The following SIGLEC8 variants were observed in gnomAD, a reference collection of about 807,000 sequenced individuals.
The protein encoded by SIGLEC8 is sialic acid-binding Ig-like lectin 8.
In SIGLEC8, 32 loss-of-function variants were observed where a neutral mutation model predicts 42.1. The ratio of observed to expected loss-of-function variants is 0.76; its 90% CI spans 0.57 to 1.02. The LOEUF is 1.02. Ranked by LOEUF, SIGLEC8 falls within the 50% of genes least tolerant of loss-of-function variation. SIGLEC8 has a pLI of 0.00. For missense variants in SIGLEC8, 611 were observed against 610.2 expected, an observed-to-expected ratio of 1.00 and a Z score of -0.01; for synonymous variants, 262 against 260.3, an observed-to-expected ratio of 1.01 and a Z score of -0.06.
intron 3 of SIGLEC8, 151 bp from the exon 4 acceptor site, chr19:51,455,838 A>G (rs1333968542): frequency 1.5e-6 from 1 of 680,678 alleles, no homozygotes; most frequent in Non-Finnish European, 2.4e-6. Context: ...ATGTCCAACA[A>G]TGATAGACTG....
chr19:51,454,205 C>T lies in SIGLEC8; in HGVS notation c.1245+14G>A. ...AGGCTGGATGCTCGGTGTGGAGAAGCCCACATCACTCACCTGAGAGGCCGA... is the reference window on the plus strand; with the variant it reads ...AGGCTGGATGCTCGGTGTGGAGAAGTCCACATCACTCACCTGAGAGGCCGA... On this transcript the variant is annotated intron_variant, in intron 6 of 6. Transcript: ENST00000321424. This position sits in a 1 kb window ranked among gnomAD's most constrained non-coding sequence, Gnocchi z 4.7. The T allele has an allele frequency of 6.2e-7, 1 of 1,613,942 alleles. No homozygotes were observed. Among genetic ancestry groups the T allele is most frequent in the Non-Finnish European group, 8.5e-7 (1 of 1,179,916 alleles).
At chr19:51,457,901 C>G in intron 1 of SIGLEC8, 33 bp downstream of exon 1, 1 of 1,604,662 alleles carries the variant, frequency 6.2e-7, no homozygotes, top group Non-Finnish European at 8.5e-7. Flanking sequence ...TCATGACCTT[C>G]CCCTGTGGCC....
chr19:51,456,596 CA>C (rs1417224669), intron 3 of SIGLEC8, among the ~76,000 whole-genome samples: 1 of 152,216 alleles, frequency 6.6e-6, no homozygotes, highest in Non-Finnish European at 1.5e-5. Context: ...AGTGAAATCA[CA>C]CACGGTCCTA....
At chr19:51,456,744 T>C (rs926838525) in intron 3 of SIGLEC8, among the ~76,000 whole-genome samples, 3 of 152,200 alleles carry the variant, frequency 2.0e-5, no homozygotes, top group Admixed American at 6.5e-5. Flanking sequence ...GGACAGACTT[T>C]GCTGTGCATT....
Position 51,454,866 on chromosome 19 carries a change from T to C in SIGLEC8, c.1052-86A>G. ...TCCCACTGTCTGCAGGGCCCTAGAC[T>C]TCCATTCCCCTCTTCTCCTTCCCAG... On this transcript the variant is annotated intron_variant, in intron 4 of 6. Coordinates refer to ENST00000321424, the MANE Select transcript of SIGLEC8 (RefSeq NM_014442.3). This position sits in a 1 kb window ranked among gnomAD's most constrained non-coding sequence, Gnocchi z 4.7. 1.1e-6 allele frequency: 1 copy of C among 919,728 alleles called. No individual in the cohort carries two copies. Among genetic ancestry groups the C allele is most frequent in the Non-Finnish European group, 1.8e-6 (1 of 564,914 alleles). The allele number at this position is 919,728 out of a possible 1,614,324, so 57.0% of individuals were successfully genotyped here. A position where few individuals can be genotyped will look rare whatever the true frequency, so the allele number is the denominator to read the frequency against.
At chr19:51,455,973 G>C (rs1190974728) in intron 3 of SIGLEC8, among the ~76,000 whole-genome samples, 1 of 150,654 alleles carries the variant, frequency 6.6e-6, no homozygotes, top group East Asian at 2.0e-4. Flanking sequence ...ACTATTGCAA[G>C]GACAAAAAAA....
chr19:51,454,838 C>A lies in SIGLEC8; in HGVS notation c.1052-58G>T. The A allele has an allele frequency of 8.0e-7, 1 of 1,254,408 alleles. No individual in the cohort carries two copies. Among genetic ancestry groups the A allele is most frequent in the Non-Finnish European group, 1.2e-6 (1 of 853,894 alleles). 77.7% of individuals were successfully genotyped at this position (1,254,408 alleles called of 1,614,324 possible). On this transcript the variant is annotated intron_variant, in intron 4 of 6. Coordinates refer to ENST00000321424, the MANE Select transcript of SIGLEC8 (RefSeq NM_014442.3). This position sits in a 1 kb window ranked among gnomAD's most constrained non-coding sequence, Gnocchi z 4.7. ...ATATCACGGAGAAGTGGGTCTCTTCCCCTCCCACTGTCTGCAGGGCCCTAG... is the reference window on the plus strand; with the variant it reads ...ATATCACGGAGAAGTGGGTCTCTTCACCTCCCACTGTCTGCAGGGCCCTAG...
chr19:51,456,075 T>TGGAGTGG (rs1989485738), intron 3 of SIGLEC8, among the ~76,000 whole-genome samples: 1 of 90,080 alleles, frequency 1.1e-5, no homozygotes, highest in Admixed American at 1.2e-4. Flanking sequence ...GGGACTGTTG[T>TGGAGTGG]GGGGTGGGGG....
Position 51,454,315 on chromosome 19 carries a change from T to C in SIGLEC8, c.1149A>G (p.Ile383Met). ...CCGATTTCTTCCTGCAGGACCTCAC[T>C]CTGAGTGAAGAGACCAGAGAGCCTT... ...AFLSFCIIFI[I>M]VRSCRKKSAR... is the part of the protein sequence containing the mutation. Residue 383 changes from isoleucine (I) to methionine (M), a missense_variant and splice_region_variant, in exon 6 of 7, where the codon ATA becomes ATG. Coordinates refer to ENST00000321424, the MANE Select transcript of SIGLEC8 (RefSeq NM_014442.3). This position sits in a 1 kb window ranked among gnomAD's most constrained non-coding sequence, Gnocchi z 4.7. The C allele has an allele frequency of 6.2e-7, 1 of 1,613,230 alleles. No individual in the cohort carries two copies. Among genetic ancestry groups the C allele is most frequent in the Middle Eastern group, 1.9e-4 (1 of 5,374 alleles).
At chr19:51,453,432 T>C in intron 6 of SIGLEC8, 1 of 980,066 alleles carries the variant, frequency 1.0e-6, no homozygotes, top group Non-Finnish European at 1.2e-6. Flanking sequence ...GTGCGGTGGC[T>C]CATGCCCCTA....
chr19:51,452,476 C>T lies in SIGLEC8; in HGVS notation c.1403G>A (p.Ser468Asn). 1 of 1,612,650 alleles carries T rather than the reference C, an allele frequency of 6.2e-7. No individual in the cohort carries two copies. Among genetic ancestry groups the T allele is most frequent in the Non-Finnish European group, 8.5e-7 (1 of 1,178,758 alleles). Residue 468 changes from serine (S) to asparagine (N), a missense_variant, in exon 7 of 7, where the codon AGT (serine) becomes AAT (asparagine). Coordinates refer to ENST00000321424, the MANE Select transcript of SIGLEC8 (RefSeq NM_014442.3). The stretch of plus-strand genomic sequence containing the variant: ...GTGGATCTTGATCTCCGAGTATTCA[C>T]TGTCAGTGGCCTCCTGTCCCTGCGG... ...QDPQGQEATD[S>N]EYSEIKIHKR...
At position 51,454,338 on chromosome 19, in the gene SIGLEC8, C is replaced by A. The variant is rs1568514403; in HGVS notation, c.1149-23G>T. On this transcript the variant is annotated intron_variant, in intron 5 of 6. Coordinates refer to ENST00000321424, the MANE Select transcript of SIGLEC8 (RefSeq NM_014442.3). This position sits in a 1 kb window ranked among gnomAD's most constrained non-coding sequence, Gnocchi z 4.7. ...ACTCTGAGTGAAGAGACCAGAGAGC[C>A]TTTCAGTGTGGTCAGATCGGGGTGC... 1.9e-6 allele frequency: 3 copies of A among 1,612,612 alleles called. No individual in the cohort carries two copies. The highest frequency in any genetic ancestry group is 1.7e-5 in the Admixed American group (1 of 60,006).
rs1989523418 is a variant in SIGLEC8 at position 51,457,514 on chromosome 19, G to T, written c.680C>A (p.Thr227Asn). The change falls in exon 2 of 7, where the codon ACC becomes AAC. Residue 227 changes from threonine (T) to asparagine (N), a missense_variant. Transcript: ENST00000321424. ...DHGTSLTCQV[T>N]LPGTGVTTTS... Reference sequence around the variant, plus strand: ...CGTGGTCACACCTGTCCCAGGCAAGGTCACCTGACAGGTGAGGCTGGTGCC... The same window carrying T: ...CGTGGTCACACCTGTCCCAGGCAAGTTCACCTGACAGGTGAGGCTGGTGCC... 1 of 1,613,956 alleles carries T rather than the reference G, an allele frequency of 6.2e-7. No individual in the cohort carries two copies. Among genetic ancestry groups the T allele is most frequent in the Non-Finnish European group, 8.5e-7 (1 of 1,179,992 alleles).
chr19:51,457,857 C>A, intron 1 of SIGLEC8, 77 bp downstream of exon 1: 1 of 1,562,788 alleles, frequency 6.4e-7, no homozygotes, highest in Non-Finnish European at 8.7e-7. Flanking sequence ...CCAACCCCCT[C>A]CCAGGCCCCA....
rs747928167 is a variant in SIGLEC8, at chr19:51,455,693, G to C, written c.782-6C>G. 1 of 1,612,010 alleles carries C rather than the reference G, an allele frequency of 6.2e-7. No individual in the cohort carries two copies. Among genetic ancestry groups the C allele is most frequent in the Non-Finnish European group, 8.5e-7 (1 of 1,179,260 alleles). On this transcript the variant is annotated splice_region_variant and splice_polypyrimidine_tract_variant and intron_variant, in intron 3 of 6. Coordinates refer to ENST00000321424, the MANE Select transcript of SIGLEC8 (RefSeq NM_014442.3). ...ATTTCCCAGGGCTGTGGATGCTGCA[G>C]AGAAAGAGACAGAGGGTCATCCCAT...
chr19:51,455,483 C>A lies in SIGLEC8; in HGVS notation c.986G>T (p.Arg329Leu), dbSNP rs138700631. The A allele has an allele frequency of 1.9e-6, 3 of 1,614,130 alleles. No individual in the cohort carries two copies. Among genetic ancestry groups the A allele is most frequent in the Non-Finnish European group, 2.5e-6 (3 of 1,179,984 alleles). Residue 329 changes from arginine (R) to leucine (L), a missense_variant, in exon 4 of 7, where the codon CGA (arginine) becomes CTA (leucine). Arg to Leu is a moderately radical substitution (Grantham distance 102). Coordinates refer to ENST00000321424, the MANE Select transcript of SIGLEC8 (RefSeq NM_014442.3). Reference protein sequence around the residue: ...HVRDEGEFTCRAQNAQGSQHI... With the variant: ...HVRDEGEFTCLAQNAQGSQHI... ...CTGGGAGCCCTGAGCGTTCTGAGCTCGGCAGGTGAATTCCCCTTCATCCCT... is the reference window on the plus strand; with the variant it reads ...CTGGGAGCCCTGAGCGTTCTGAGCTAGGCAGGTGAATTCCCCTTCATCCCT...
Position 51,454,852 on chromosome 19 carries a change from G to T in SIGLEC8, c.1052-72C>A. ...TGGGTCTCTTCCCCTCCCACTGTCT[G>T]CAGGGCCCTAGACTTCCATTCCCCT... On this transcript the variant is annotated intron_variant, in intron 4 of 6. Transcript: ENST00000321424. This position sits in a 1 kb window ranked among gnomAD's most constrained non-coding sequence, Gnocchi z 4.7. 1 of 1,089,434 alleles carries T rather than the reference G, an allele frequency of 9.2e-7. No individual in the cohort carries two copies. Among genetic ancestry groups the T allele is most frequent in the Non-Finnish European group, 1.4e-6 (1 of 708,336 alleles). The allele number at this position is 1,089,434 out of a possible 1,614,324, so 67.5% of individuals were successfully genotyped here. A position where few individuals can be genotyped will look rare whatever the true frequency, so the allele number is the denominator to read the frequency against.
chr19:51,452,752 G>T, intron 6 of SIGLEC8, 119 bp from the exon 7 acceptor site: 1 of 944,386 alleles, frequency 1.1e-6, no homozygotes, highest in Non-Finnish European at 1.4e-6. Context: ...CATTTTTGTC[G>T]AAGTGTCTTT....
chr19:51,457,891 T>TC (rs779687415), intron 1 of SIGLEC8, 43 bp downstream of exon 1: 48 of 1,595,252 alleles, frequency 3.0e-5, no homozygotes, highest in Non-Finnish European at 4.0e-5. Flanking sequence ...TTTCAGCCCC[T>TC]CATGACCTTC....
Sources: gnomAD v4.1 joint callset for allele counts (sites outside exome capture counted in the v4.1 genomes callset) on GRCh38, gnomAD v4.1.1 for gene constraint, Gnocchi (gnomAD v3.1) non-coding constraint, MANE v1.5 for transcripts, NCBI Gene and HGNC (gene_info 2026-07-23, HGNC 2026-07-21) for gene names.